Variants in VWA8 observed in about 807,000 individuals in gnomAD.
The protein encoded by VWA8 is von Willebrand factor A domain containing 8.
In VWA8, 221 loss-of-function variants were observed where a neutral mutation model predicts 241.5. The observed-to-expected ratio is 0.91, with a 90% CI of 0.82 to 1.02. The LOEUF is 1.02. Ranked by LOEUF, VWA8 falls within the 50% of genes least tolerant of loss-of-function variation. The pLI is 0.00. For missense variants in VWA8, 2,322 were observed against 2,328.7 expected, an observed-to-expected ratio of 1.00 and a Z score of 0.06; for synonymous variants, 852 against 827.1, an observed-to-expected ratio of 1.03 and a Z score of -0.52.
At chr13:41,859,427 A>G (rs1872909056) in intron 12 of VWA8, among the ~76,000 whole-genome samples, 1 of 152,206 alleles carries the variant, frequency 6.6e-6, no homozygotes, top group Non-Finnish European at 1.5e-5. Flanking sequence ...AACATATTTT[A>G]GACCACAATT....
In VWA8 at chr13:41,587,593, C is replaced by T; in HGVS notation, c.5190G>A (p.Arg1730=). Residue 1730 remains arginine (R), a synonymous_variant, in exon 42 of 45, where the codon AGG becomes AGA. Coordinates refer to ENST00000379310, the MANE Select transcript of VWA8 (RefSeq NM_015058.2). ...TTGTGCGCTCAAGCCGGCCATCCAT[C>T]CTGTTGAAACGGTACATGCTACCAG... The part of the protein sequence containing the change: ...DVSGSMYRFN[R]MDGRLERTME... The T allele has an allele frequency of 6.2e-7, 1 of 1,614,222 alleles. No individual in the cohort carries two copies. The highest frequency in any genetic ancestry group is 8.5e-7 in the Non-Finnish European group (1 of 1,180,048).
At chr13:41,846,048 CTTT>C (rs11288349) in intron 12 of VWA8, among the ~76,000 whole-genome samples, 2 of 142,438 alleles carry the variant, frequency 1.4e-5, no homozygotes, top group Non-Finnish European at 3.1e-5. Context: ...CTTTTTAGTT[CTTT>C]TTTTTTTTTT....
intron 4 of VWA8, among the ~76,000 whole-genome samples, chr13:41,906,715 A>G (rs1027231280): frequency 1.3e-5 from 2 of 152,184 alleles, no homozygotes; most frequent in East Asian, 3.8e-4. Context: ...TTCTAGAAAC[A>G]TAACTGTTGA....
At chr13:41,809,849 C>G (rs570239141) in intron 17 of VWA8, among the ~76,000 whole-genome samples, 19 of 152,190 alleles carry the variant, frequency 1.2e-4, no homozygotes, top group African/African-American at 4.1e-4. Context: ...ATTTGCAAAT[C>G]ATCCATCTGA....
At chr13:41,759,238 T>C (rs937822116) in intron 21 of VWA8, among the ~76,000 whole-genome samples, 16 of 151,648 alleles carry the variant, frequency 1.1e-4, no homozygotes, top group African/African-American at 3.9e-4. Flanking sequence ...ATATTTTTTT[T>C]CTTTCAGCAC....
At chr13:41,649,045 G>A (rs568256532) in intron 37 of VWA8, among the ~76,000 whole-genome samples, 2 of 151,402 alleles carry the variant, frequency 1.3e-5, no homozygotes, top group African/African-American at 2.4e-5. Flanking sequence ...GTAGCTGGGC[G>A]TGGTGGGGGG....
intron 13 of VWA8, among the ~76,000 whole-genome samples, chr13:41,832,218 T>C (rs1191988232): frequency 3.3e-5 from 5 of 152,210 alleles, no homozygotes. Context: ...CGTGAGCCAC[T>C]ACACCTGGCC....
At chr13:41,692,793 A>C in intron 30 of VWA8, 69 bp downstream of exon 30, 1 of 1,267,920 alleles carries the variant, frequency 7.9e-7, no homozygotes. Flanking sequence ...ATGGGCATGC[A>C]TGCATCTTTC....
At chr13:41,713,311 G>A (rs2045329964) in intron 26 of VWA8, among the ~76,000 whole-genome samples, 1 of 152,152 alleles carries the variant, frequency 6.6e-6, no homozygotes, top group African/African-American at 2.4e-5. Context: ...ATTACTAAAT[G>A]TGATGCATCC....
chr13:41,875,665 T>C (rs114053355), intron 9 of VWA8, among the ~76,000 whole-genome samples: 1,678 of 152,198 alleles, frequency 0.011, 34 homozygotes, highest in African/African-American at 0.039. Flanking sequence ...TGCTGTTTCC[T>C]TCTCAGTCTT....
intron 1 of VWA8, chr13:41,955,994 G>A (rs1367810185): frequency 1.3e-5 from 2 of 152,208 alleles, no homozygotes; most frequent in African/African-American, 2.4e-5. Context: ...GCTTATTCTG[G>A]TTCTGAGGAC....
intron 13 of VWA8, 73 bp downstream of exon 13, chr13:41,833,298 G>A: frequency 6.8e-7 from 1 of 1,471,428 alleles, no homozygotes; most frequent in Non-Finnish European, 9.0e-7. Context: ...AAAAGAATGA[G>A]ATAGTTCCAT....
chr13:41,795,667 C>T lies in VWA8; in HGVS notation c.2064-8124G>A, dbSNP rs999062101. ...CAGGGACATGGATGGAACTGGAAGC[C>T]GTTATCCTCCACAAAATAACACAGG... On this transcript the variant is annotated intron_variant, in intron 17 of 44. Coordinates refer to ENST00000379310, the MANE Select transcript of VWA8 (RefSeq NM_015058.2). 7.9e-5 allele frequency among the ~76,000 whole-genome samples: 12 copies of T among 152,276 alleles called. No individual in the cohort carries two copies. The Middle Eastern group carries it at 0.01, about 129-fold the overall frequency.
rs775517679 is a variant in VWA8 at position 41,611,724 on chromosome 13, C to T, written c.4729G>A (p.Asp1577Asn). Residue 1577 changes from aspartate to asparagine, a missense_variant, in exon 39 of 45, where the codon GAC becomes AAC. Asp to Asn is a conservative substitution (Grantham distance 23). Coordinates refer to ENST00000379310, the MANE Select transcript of VWA8 (RefSeq NM_015058.2). ...NTWAGGTGGRDTAGLGGKGGP... is the reference protein window; with the variant it reads ...NTWAGGTGGRNTAGLGGKGGP... ...CCTTTGCCACCCAGGCCTGCCGTGT[C>T]TCTTCCCCCTGGAAGGAAAACGTGG... is the stretch of plus-strand genomic sequence containing the variant. 4 of 1,613,794 alleles carry T rather than the reference C, an allele frequency of 2.5e-6. No individual in the cohort carries two copies.
intron 2 of VWA8, among the ~76,000 whole-genome samples, chr13:41,916,604 G>A (rs1339129307): frequency 3.3e-5 from 5 of 152,212 alleles, no homozygotes; most frequent in East Asian, 3.9e-4. Context: ...TTAGTATAGC[G>A]TATTTTACCA....
chr13:41,769,816 T>A (rs924857588), intron 20 of VWA8, among the ~76,000 whole-genome samples: 1 of 152,210 alleles, frequency 6.6e-6, no homozygotes, highest in South Asian at 2.1e-4. Context: ...AATGAAATTA[T>A]ATAAAAGTAC....
chr13:41,801,973 T>G (rs1203816718), intron 17 of VWA8, among the ~76,000 whole-genome samples: 1 of 152,204 alleles, frequency 6.6e-6, no homozygotes, highest in Admixed American at 6.5e-5. Context: ...GATGGCTGAA[T>G]AGAACCCTCC....
In VWA8 at chr13:41,752,117, C is replaced by T. The variant is rs561512812; in HGVS notation, c.2426+9011G>A. Among the ~76,000 whole-genome samples the T allele has an allele frequency of 2.0e-5, 3 of 152,252 alleles. No homozygotes were observed. The South Asian group carries it at 6.2e-4, about 32-fold the overall frequency. On this transcript the variant is annotated intron_variant, in intron 21 of 44. Coordinates refer to ENST00000379310, the MANE Select transcript of VWA8 (RefSeq NM_015058.2). ...GTAAACCTATTTCAATATGTTCCTTCTTTCCACTCTCATTGTCAATATGTT... is the reference window on the plus strand; with the variant it reads ...GTAAACCTATTTCAATATGTTCCTTTTTTCCACTCTCATTGTCAATATGTT...
intron 12 of VWA8, among the ~76,000 whole-genome samples, chr13:41,864,412 C>A (rs1444557132): frequency 6.6e-6 from 1 of 152,078 alleles, no homozygotes; most frequent in African/African-American, 2.4e-5. Flanking sequence ...TTACAATAGT[C>A]TAAAGGAAAC....
Sources: gnomAD v4.1 joint callset for allele counts (sites outside exome capture counted in the v4.1 genomes callset) on GRCh38, gnomAD v4.1.1 for gene constraint, MANE v1.5 for transcripts, NCBI Gene and HGNC (gene_info 2026-07-23, HGNC 2026-07-21) for gene names.